CDH8: variants seen among roughly 807,000 people sequenced by gnomAD.
The protein encoded by CDH8 is cadherin 8, also known as cadherin-8.
In CDH8, 17 loss-of-function variants were observed where a neutral mutation model predicts 68.1. The ratio of observed to expected loss-of-function variants is 0.25; its 90% CI spans 0.17 to 0.37. The LOEUF is 0.37. CDH8 is among the 10% of genes least tolerant of loss of function. The probability of loss-of-function intolerance (pLI) is 1.00; values close to 1 mark genes in which losing one functional copy is unlikely to be tolerated. For synonymous variants in CDH8, 372 were observed against 365.1 expected (o/e 1.02, Z -0.21); for missense variants, 763 against 999.3 (o/e 0.76, Z 3.19).
chr16:61,927,967 C>A (rs1006268712), intron 2 of CDH8, among the ~76,000 whole-genome samples: 6 of 152,212 alleles, frequency 3.9e-5, no homozygotes, highest in African/African-American at 1.4e-4. Context: ...ATTTGTATAA[C>A]CAGTCCTTCC....
intron 4 of CDH8, among the ~76,000 whole-genome samples, chr16:61,853,589 A>C (rs1278231694): frequency 6.6e-6 from 1 of 152,078 alleles, no homozygotes; most frequent in East Asian, 1.9e-4. Context: ...GTGATGTGTA[A>C]TGGTATTCAG....
chr16:61,917,589 T>C (rs1483959331), intron 2 of CDH8, among the ~76,000 whole-genome samples: 1 of 152,202 alleles, frequency 6.6e-6, no homozygotes, highest in Admixed American at 6.5e-5. Flanking sequence ...TCATGAATCC[T>C]AGGCTTCTGT....
At chr16:61,720,334 A>C (rs1480003674) in intron 9 of CDH8, among the ~76,000 whole-genome samples, 1 of 150,976 alleles carries the variant, frequency 6.6e-6, no homozygotes, top group Non-Finnish European at 1.5e-5. Context: ...AAACCTGCTC[A>C]TCATCATGGC....
At chr16:61,783,227 C>A (rs1198163374) in intron 8 of CDH8, among the ~76,000 whole-genome samples, 1 of 106,500 alleles carries the variant, frequency 9.4e-6, no homozygotes, top group African/African-American at 4.0e-5. Flanking sequence ...ATAACCAATA[C>A]AGAGAAGTGC....
intron 4 of CDH8, among the ~76,000 whole-genome samples, chr16:61,844,304 T>G: frequency 6.9e-6 from 1 of 145,612 alleles, no homozygotes; most frequent in Admixed American, 6.8e-5. Flanking sequence ...GAGGGAGGGA[T>G]AGCATTAGGA....
intron 2 of CDH8, among the ~76,000 whole-genome samples, chr16:61,903,379 A>G (rs1272931988): frequency 2.0e-5 from 3 of 152,210 alleles, no homozygotes; most frequent in African/African-American, 7.2e-5. Flanking sequence ...GCTGGAGTGC[A>G]GTGACGCGAT....
At position 61,864,303 on chromosome 16, in the gene CDH8, T is replaced by A. The variant is rs796114280; in HGVS notation, c.548-7065A>T. 2.8e-4 allele frequency among the ~76,000 whole-genome samples: 39 copies of A among 140,776 alleles called. No individual in the cohort carries two copies. In the South Asian group the frequency reaches 8.0e-3, roughly 29 times the overall value. The allele number at this position is 140,776 out of a possible 152,430, so 92.4% of individuals were successfully genotyped here. ...GTTGGCTGGATGTCCGGTTGGTTGG[T>A]TGGTTGGTTGGTTGGTTGGTTGGTT... is the stretch of plus-strand genomic sequence containing the variant. On this transcript the variant is annotated intron_variant, in intron 3 of 11. Coordinates refer to ENST00000577390, the MANE Select transcript of CDH8 (RefSeq NM_001796.5).
At position 61,977,459 on chromosome 16, in the gene CDH8, G is replaced by T. The variant is rs543452447; in HGVS notation, c.252+43693C>A. Reference sequence around the variant, plus strand: ...ACGATTTCTCCCCATGATTTGTGTGGGCTAAAATATGATGGCTGAACTGTC... The same window carrying T: ...ACGATTTCTCCCCATGATTTGTGTGTGCTAAAATATGATGGCTGAACTGTC... On this transcript the variant is annotated intron_variant, in intron 2 of 11. Transcript: ENST00000577390. Among the ~76,000 whole-genome samples the T allele has an allele frequency of 3.3e-5, 5 of 152,220 alleles. No individual in the cohort carries two copies. In the East Asian group the frequency reaches 9.6e-4, roughly 29 times the overall value.
intron 10 of CDH8, among the ~76,000 whole-genome samples, chr16:61,712,916 A>G (rs1009864475): frequency 6.6e-6 from 1 of 151,704 alleles, no homozygotes; most frequent in Non-Finnish European, 1.5e-5. Context: ...CCCTTTAAAT[A>G]GAATATTGCA....
chr16:62,003,500 T>C (rs1965926834), intron 2 of CDH8, among the ~76,000 whole-genome samples: 1 of 151,594 alleles, frequency 6.6e-6, no homozygotes, highest in Non-Finnish European at 1.5e-5. Context: ...GATTTTATAC[T>C]TGTATGCGTG....
intron 10 of CDH8, among the ~76,000 whole-genome samples, chr16:61,669,896 T>C (rs1963756918): frequency 6.6e-6 from 1 of 152,096 alleles, no homozygotes; most frequent in East Asian, 1.9e-4. Flanking sequence ...CTCTAACCTC[T>C]TTACAAACTG....
chr16:61,716,515 T>C (rs2142873000), intron 9 of CDH8, among the ~76,000 whole-genome samples: 1 of 151,852 alleles, frequency 6.6e-6, no homozygotes, highest in African/African-American at 2.4e-5. Flanking sequence ...CAATCTGTAT[T>C]TCAAACAGCC....
intron 2 of CDH8, among the ~76,000 whole-genome samples, chr16:61,910,867 T>C (rs971271516): frequency 6.6e-6 from 1 of 152,228 alleles, no homozygotes; most frequent in Non-Finnish European, 1.5e-5. Context: ...ATGTAACTTC[T>C]TGAATTAAAT....
At chr16:62,027,723 T>C (rs1902227810) in intron 1 of CDH8, among the ~76,000 whole-genome samples, 1 of 152,224 alleles carries the variant, frequency 6.6e-6, no homozygotes, top group South Asian at 2.1e-4. Flanking sequence ...AAGCCCTGGC[T>C]GAATGGGGCT....
intron 2 of CDH8, among the ~76,000 whole-genome samples, chr16:61,970,830 C>T (rs563374812): frequency 2.0e-5 from 3 of 152,344 alleles, no homozygotes; most frequent in African/African-American, 7.2e-5. Context: ...TCCCCTATGA[C>T]TTGCACGTAT....
At chr16:61,811,769 A>G (rs1376263145) in intron 7 of CDH8, among the ~76,000 whole-genome samples, 1 of 152,196 alleles carries the variant, frequency 6.6e-6, no homozygotes, top group Non-Finnish European at 1.5e-5. Context: ...AATGTTAAGG[A>G]CATTCTACTA....
chr16:62,011,429 G>A (rs756502270), intron 2 of CDH8, among the ~76,000 whole-genome samples: 2 of 152,154 alleles, frequency 1.3e-5, no homozygotes, highest in Admixed American at 1.3e-4. Context: ...ACCACATGGG[G>A]TTCAAATAAA....
At chr16:61,771,890 A>G (rs1253981563) in intron 8 of CDH8, among the ~76,000 whole-genome samples, 2 of 151,968 alleles carry the variant, frequency 1.3e-5, no homozygotes, top group African/African-American at 4.8e-5. Context: ...ACTGCAGTGT[A>G]CAAGTTTTTT....
intron 1 of CDH8, among the ~76,000 whole-genome samples, chr16:62,023,386 G>C (rs1418601100): frequency 1.3e-5 from 2 of 152,120 alleles, no homozygotes; most frequent in Non-Finnish European, 2.9e-5. Context: ...TCTCTGTAAT[G>C]ATGGACAAGA....
Sources: allele counts gnomAD v4.1 joint callset (sites outside exome capture counted in the v4.1 genomes callset), GRCh38; gene constraint gnomAD v4.1.1; transcripts MANE v1.5; gene names NCBI Gene and HGNC (gene_info 2026-07-23, HGNC 2026-07-21).